The following ITGBL1 variants were observed in gnomAD, a reference collection of about 807,000 sequenced individuals.
ITGBL1 encodes the protein integrin beta-like protein 1.
In ITGBL1, 51 loss-of-function variants were observed where a neutral mutation model predicts 68.5. The ratio of observed to expected loss-of-function variants is 0.74; its 90% CI spans 0.59 to 0.94. The LOEUF (loss-of-function observed/expected upper bound fraction) is 0.94. ITGBL1 is among the 40% of genes least tolerant of loss of function. The pLI, the probability that ITGBL1 is intolerant of heterozygous loss-of-function variation, is 0.00. For synonymous variants in ITGBL1, 209 were observed against 227.3 expected, an observed-to-expected ratio of 0.92 and a Z score of 0.72; for missense variants, 649 against 647.4, an observed-to-expected ratio of 1.00 and a Z score of -0.03.
At chr13:101,639,285 CCT>C (rs899427538) in intron 7 of ITGBL1, among the ~76,000 whole-genome samples, 2 of 152,028 alleles carry the variant, frequency 1.3e-5, no homozygotes, top group African/African-American at 4.8e-5. Flanking sequence ...CCAATATTTC[CCT>C]GAGACAAAGT....
chr13:101,601,127 A>T (rs944887277), intron 7 of ITGBL1, among the ~76,000 whole-genome samples: 1 of 152,200 alleles, frequency 6.6e-6, no homozygotes, highest in Non-Finnish European at 1.5e-5. Context: ...TTATTGGTCT[A>T]TTCAGAGATT....
intron 8 of ITGBL1, 27 bp from the exon 9 acceptor site, chr13:101,706,729 C>T (rs763040189): frequency 3.7e-6 from 6 of 1,605,646 alleles, no homozygotes. Flanking sequence ...CTCATCCTCT[C>T]ACTCCTTTCC....
chr13:101,545,696 C>G (rs917992068), intron 2 of ITGBL1, among the ~76,000 whole-genome samples: 1 of 151,938 alleles, frequency 6.6e-6, no homozygotes, highest in Non-Finnish European at 1.5e-5. Context: ...TAAATATAAA[C>G]AATAAAAAAA....
At chr13:101,512,339 A>G (rs2049129212) in intron 2 of ITGBL1, among the ~76,000 whole-genome samples, 1 of 152,070 alleles carries the variant, frequency 6.6e-6, no homozygotes, top group African/African-American at 2.4e-5. Flanking sequence ...CATCCAGGAA[A>G]TTTCTGTCTC....
At chr13:101,459,852 CA>C (rs1226454729) in intron 2 of ITGBL1, among the ~76,000 whole-genome samples, 1 of 151,970 alleles carries the variant, frequency 6.6e-6, no homozygotes, top group African/African-American at 2.4e-5. Context: ...TACATTGAAA[CA>C]TTTTTAATAT....
intron 7 of ITGBL1, among the ~76,000 whole-genome samples, chr13:101,605,750 G>A (rs1013981746): frequency 3.5e-4 from 52 of 149,922 alleles, no homozygotes; most frequent in African/African-American, 1.1e-3. Flanking sequence ...ATATGTATGT[G>A]CGTATATGTG....
At chr13:101,600,149 T>C (rs1263075740) in intron 7 of ITGBL1, among the ~76,000 whole-genome samples, 2 of 152,170 alleles carry the variant, frequency 1.3e-5, no homozygotes, top group African/African-American at 4.8e-5. Context: ...AAGAGGTCCT[T>C]CACATCCCTT....
At chr13:101,681,478 A>C (rs766842189) in intron 7 of ITGBL1, among the ~76,000 whole-genome samples, 41 of 152,196 alleles carry the variant, frequency 2.7e-4, no homozygotes, top group Non-Finnish European at 5.3e-4. Flanking sequence ...TCCTGAATAA[A>C]TAATGACTTT....
At chr13:101,488,452 C>G (rs933566625) in intron 2 of ITGBL1, among the ~76,000 whole-genome samples, 6 of 152,162 alleles carry the variant, frequency 3.9e-5, no homozygotes, top group Non-Finnish European at 7.3e-5. Context: ...GGGAGTAAAA[C>G]TGGAGTGATT....
At chr13:101,453,841 C>CGG in intron 1 of ITGBL1, 42 bp from the exon 2 acceptor site, 1 of 1,210,196 alleles carries the variant, frequency 8.3e-7, no homozygotes, top group Non-Finnish European at 1.0e-6. Context: ...GGGGCGGCGT[C>CGG]CGCGTCTGAC....
intron 7 of ITGBL1, among the ~76,000 whole-genome samples, chr13:101,691,818 T>A (rs781028140): frequency 3.9e-5 from 6 of 152,164 alleles, no homozygotes; most frequent in Non-Finnish European, 5.9e-5. Context: ...ATGTCTCGGC[T>A]TCCTGTTTAG....
intron 2 of ITGBL1, among the ~76,000 whole-genome samples, chr13:101,470,530 A>C (rs2048442993): frequency 2.0e-5 from 3 of 152,128 alleles, no homozygotes; most frequent in Non-Finnish European, 4.4e-5. Context: ...GCACAATGAA[A>C]TAATGATATT....
Position 101,471,079 on chromosome 13 carries a change from C to A in ITGBL1, c.316+16979C>A, listed in dbSNP as rs74792043. Among the ~76,000 whole-genome samples, 595 of 152,300 alleles carry A rather than the reference C, an allele frequency of 3.9e-3. 3 individuals are homozygous for A. The highest frequency in any genetic ancestry group is 0.014 in the African/African-American group (566 of 41,576). On this transcript the variant is annotated intron_variant, in intron 2 of 10. Coordinates refer to ENST00000376180, the MANE Select transcript of ITGBL1 (RefSeq NM_004791.3). Reference sequence around the variant, plus strand: ...ACAAATGCCCCAAGAAGTATTAAATCTCTTTTCTGAATTTTGAATTATCAC... The same window carrying A: ...ACAAATGCCCCAAGAAGTATTAAATATCTTTTCTGAATTTTGAATTATCAC...
chr13:101,684,474 A>G (rs2033710640), intron 7 of ITGBL1, among the ~76,000 whole-genome samples: 1 of 151,996 alleles, frequency 6.6e-6, no homozygotes. Context: ...AATAATAAGC[A>G]TACAGTATTT....
intron 3 of ITGBL1, among the ~76,000 whole-genome samples, chr13:101,574,889 AT>A (rs1566738204): frequency 6.6e-6 from 1 of 152,168 alleles, no homozygotes; most frequent in Non-Finnish European, 1.5e-5. Flanking sequence ...GGACATGTGT[AT>A]CAGTATAAGT....
intron 2 of ITGBL1, among the ~76,000 whole-genome samples, chr13:101,500,890 G>A (rs1296563224): frequency 6.6e-6 from 1 of 152,146 alleles, no homozygotes; most frequent in Admixed American, 6.6e-5. Context: ...CAGGACAAAA[G>A]CAAATTAAAC....
chr13:101,502,221 C>T (rs1427380510), intron 2 of ITGBL1, among the ~76,000 whole-genome samples: 2 of 152,068 alleles, frequency 1.3e-5, no homozygotes, highest in African/African-American at 4.8e-5. Context: ...ACATTTGCTT[C>T]GTTAAATAAA....
At chr13:101,605,917 T>C (rs1189675088) in intron 7 of ITGBL1, among the ~76,000 whole-genome samples, 1 of 139,868 alleles carries the variant, frequency 7.1e-6, no homozygotes, top group East Asian at 2.0e-4. Flanking sequence ...TATGTACACA[T>C]ATATAGACAT....
Position 101,593,556 on chromosome 13 carries a change from G to A in ITGBL1, c.869-4597G>A, listed in dbSNP as rs927372861. The stretch of plus-strand genomic sequence containing the variant: ...AACAGATGAATGGATAAAAAATTGT[G>A]GTATATATACACAATGGATAATTCT... On this transcript the variant is annotated intron_variant, in intron 6 of 10. Transcript: ENST00000376180. 5.9e-5 allele frequency among the ~76,000 whole-genome samples: 9 copies of A among 151,874 alleles called. No individual in the cohort carries two copies. The East Asian group carries it at 1.7e-3, about 29-fold the overall frequency.
Sources: gnomAD v4.1 joint callset for allele counts (sites outside exome capture counted in the v4.1 genomes callset) on GRCh38, gnomAD v4.1.1 for gene constraint, MANE v1.5 for transcripts, NCBI Gene and HGNC (gene_info 2026-07-23, HGNC 2026-07-21) for gene names.